Variants in SNTG1 observed in about 807,000 individuals in gnomAD.
SNTG1 encodes syntrophin gamma 1.
In SNTG1, 39 loss-of-function variants were observed where a neutral mutation model predicts 74.7. That is an observed-to-expected ratio of 0.52 (90% CI 0.40 to 0.68). The LOEUF (loss-of-function observed/expected upper bound fraction) is 0.68. Ranked by LOEUF, SNTG1 falls within the 30% of genes least tolerant of loss-of-function variation. The pLI is 0.00. For missense variants in SNTG1, 685 were observed against 609.5 expected (o/e 1.12, Z -1.30); for synonymous variants, 254 against 217.1 (o/e 1.17, Z -1.49).
At chr8:50,008,937 A>T (rs1440315409) in intron 1 of SNTG1, among the ~76,000 whole-genome samples, 1 of 152,212 alleles carries the variant, frequency 6.6e-6, no homozygotes, top group Non-Finnish European at 1.5e-5. Flanking sequence ...GTAAGTAGCT[A>T]TCTTGAGTAA....
intron 18 of SNTG1, among the ~76,000 whole-genome samples, chr8:50,758,383 T>G (rs6981429): frequency 6.6e-6 from 1 of 151,744 alleles, no homozygotes; most frequent in African/African-American, 2.4e-5. Context: ...AGGTTTGTTA[T>G]ATAGGTATAC....
intron 13 of SNTG1, among the ~76,000 whole-genome samples, chr8:50,612,520 T>A (rs1395522418): frequency 6.6e-6 from 1 of 152,230 alleles, no homozygotes; most frequent in African/African-American, 2.4e-5. Flanking sequence ...TTAGACTATA[T>A]ATTAGAAAAG....
chr8:50,161,662 G>A (rs2082420471), intron 1 of SNTG1, among the ~76,000 whole-genome samples: 2 of 152,202 alleles, frequency 1.3e-5, no homozygotes, highest in African/African-American at 4.8e-5. Context: ...GATAGAATCA[G>A]TGATTGGCCC....
At chr8:50,342,044 T>C (rs1489717873) in intron 2 of SNTG1, among the ~76,000 whole-genome samples, 1 of 152,088 alleles carries the variant, frequency 6.6e-6, no homozygotes, top group Non-Finnish European at 1.5e-5. Context: ...TGGATGGCTG[T>C]AAAAATGGCA....
At position 50,266,565 on chromosome 8, in the gene SNTG1, G is replaced by T. The variant is rs140724554; in HGVS notation, c.-28+93930G>T. On this transcript the variant is annotated intron_variant, in intron 2 of 18. Transcript: ENST00000642720. ...ACATGAAAACAAAAATACATGTGAT[G>T]AATAAATATAAATAAATTAATAAAA... is the stretch of plus-strand genomic sequence containing the variant. 2.2e-3 allele frequency among the ~76,000 whole-genome samples: 329 copies of T among 150,216 alleles called. 2 individuals are homozygous for T. Among genetic ancestry groups the T allele is most frequent in the African/African-American group, 7.5e-3 (307 of 40,978 alleles).
intron 1 of SNTG1, among the ~76,000 whole-genome samples, chr8:50,052,275 T>G (rs1386670216): frequency 6.6e-6 from 1 of 152,084 alleles, no homozygotes; most frequent in Non-Finnish European, 1.5e-5. Context: ...AGTTTTACAC[T>G]AAAATTCATT....
intron 2 of SNTG1, among the ~76,000 whole-genome samples, chr8:50,327,169 A>G (rs1473264555): frequency 6.6e-6 from 1 of 152,134 alleles, no homozygotes; most frequent in Non-Finnish European, 1.5e-5. Flanking sequence ...GTGAATACCA[A>G]TTAGATCCAC....
intron 11 of SNTG1, among the ~76,000 whole-genome samples, chr8:50,545,478 T>C (rs949970842): frequency 6.9e-6 from 1 of 143,972 alleles, no homozygotes; most frequent in African/African-American, 2.7e-5. Context: ...TAATATTATA[T>C]ACATGTTATA....
rs1229043419 is a variant in SNTG1, at chr8:50,761,442, AC to A, written c.1395+9336del. ...GTGGCTTCACATATGCTGCTCAGTC[AC>A]CCCCGCTTAGGTTGGACAGGATGGC... On this transcript the variant is annotated intron_variant, in intron 18 of 18. Transcript: ENST00000642720. 2.6e-5 allele frequency among the ~76,000 whole-genome samples: 4 copies of A among 151,480 alleles called. No homozygotes were observed. The South Asian group carries it at 6.3e-4, about 24-fold the overall frequency.
chr8:50,082,357 A>T (rs533384560), intron 1 of SNTG1, among the ~76,000 whole-genome samples: 2 of 152,252 alleles, frequency 1.3e-5, no homozygotes, highest in South Asian at 4.1e-4. Flanking sequence ...GAGCATTTTG[A>T]TAATGTATGT....
chr8:50,561,190 G>A (rs1585689261), intron 12 of SNTG1, among the ~76,000 whole-genome samples: 1 of 152,134 alleles, frequency 6.6e-6, no homozygotes, highest in East Asian at 1.9e-4. Context: ...AAAGTGTGTG[G>A]CAGTTCCCCC....
chr8:50,254,065 T>C (rs1250032729), intron 2 of SNTG1, among the ~76,000 whole-genome samples: 1 of 152,202 alleles, frequency 6.6e-6, no homozygotes, highest in African/African-American at 2.4e-5. Context: ...CTCACCTCAA[T>C]GAAATGATCA....
intron 13 of SNTG1, among the ~76,000 whole-genome samples, chr8:50,641,148 A>G (rs1440302587): frequency 1.3e-5 from 2 of 152,194 alleles, no homozygotes. Flanking sequence ...CTCATCCCAC[A>G]TTAAATTCAT....
intron 1 of SNTG1, among the ~76,000 whole-genome samples, chr8:50,090,487 G>T (rs1282564115): frequency 6.6e-6 from 1 of 152,132 alleles, no homozygotes; most frequent in African/African-American, 2.4e-5. Flanking sequence ...AGCAGATTTA[G>T]AAAGATTCAT....
intron 1 of SNTG1, among the ~76,000 whole-genome samples, chr8:49,975,683 C>T (rs956079645): frequency 1.3e-5 from 2 of 151,964 alleles, no homozygotes; most frequent in African/African-American, 4.8e-5. Flanking sequence ...GAAGGGGACT[C>T]TTATTTTCAG....
intron 1 of SNTG1, among the ~76,000 whole-genome samples, chr8:50,102,375 T>G (rs1324909244): frequency 2.0e-5 from 3 of 151,852 alleles, no homozygotes; most frequent in Admixed American, 6.6e-5. Context: ...AAGTGTCTGT[T>G]CATGTCCTTC....
intron 13 of SNTG1, among the ~76,000 whole-genome samples, chr8:50,621,529 T>C (rs2094923395): frequency 6.6e-6 from 1 of 152,354 alleles, no homozygotes; most frequent in Non-Finnish European, 1.5e-5. Context: ...TATCAATTGC[T>C]TTCTAGTTAT....
At chr8:50,067,571 A>G (rs1055744608) in intron 1 of SNTG1, among the ~76,000 whole-genome samples, 1 of 152,152 alleles carries the variant, frequency 6.6e-6, no homozygotes, top group Non-Finnish European at 1.5e-5. Flanking sequence ...CTTCCCTTTG[A>G]CAATCTGTAA....
At chr8:50,336,393 C>T (rs1251035064) in intron 2 of SNTG1, among the ~76,000 whole-genome samples, 1 of 152,134 alleles carries the variant, frequency 6.6e-6, no homozygotes, top group Non-Finnish European at 1.5e-5. Flanking sequence ...TGCTCTATCC[C>T]TGTTTATGTG....
Sources: allele counts gnomAD v4.1 joint callset (sites outside exome capture counted in the v4.1 genomes callset), GRCh38; gene constraint gnomAD v4.1.1; transcripts MANE v1.5; gene names NCBI Gene and HGNC (gene_info 2026-07-23, HGNC 2026-07-21).